The following RGS17 variants were observed in gnomAD, a reference collection of about 807,000 sequenced individuals.
RGS17 encodes regulator of G protein signaling 17.
Under a neutral mutation model 25.5 loss-of-function variants are expected in RGS17, and 12 were observed. That is an observed-to-expected ratio of 0.47 (90% CI 0.30 to 0.76). The LOEUF is 0.76. Ranked by LOEUF, RGS17 falls within the 30% of genes least tolerant of loss-of-function variation. RGS17 has a pLI of 0.07. For synonymous variants in RGS17, 71 were observed against 76.9 expected, an observed-to-expected ratio of 0.92 and a Z score of 0.40; for missense variants, 196 against 242.2, an observed-to-expected ratio of 0.81 and a Z score of 1.27.
intron 1 of RGS17, among the ~76,000 whole-genome samples, chr6:153,049,169 C>T (rs12211062): frequency 0.19 from 28,643 of 151,932 alleles, 3,037 homozygotes; most frequent in Non-Finnish European, 0.24. Flanking sequence ...CCAAGAGATT[C>T]GGCAGATAAG....
At chr6:153,073,263 C>G (rs181258171) in intron 1 of RGS17, among the ~76,000 whole-genome samples, 38 of 152,306 alleles carry the variant, frequency 2.5e-4, no homozygotes, top group Non-Finnish European at 4.3e-4. Flanking sequence ...TTGTCTCTTT[C>G]AATCCCTCCT....
chr6:153,067,123 T>C (rs1205119852), intron 1 of RGS17, among the ~76,000 whole-genome samples: 3 of 151,920 alleles, frequency 2.0e-5, no homozygotes, highest in East Asian at 1.9e-4. Flanking sequence ...TCCTTAATGA[T>C]TAAAAACCCT....
intron 2 of RGS17, among the ~76,000 whole-genome samples, chr6:153,035,312 A>G (rs1468386573): frequency 6.6e-6 from 1 of 152,216 alleles, no homozygotes; most frequent in Non-Finnish European, 1.5e-5. Flanking sequence ...TATACATGCT[A>G]TATTTTATAG....
At chr6:153,093,213 A>G (rs1777157314) in intron 1 of RGS17, among the ~76,000 whole-genome samples, 1 of 152,208 alleles carries the variant, frequency 6.6e-6, no homozygotes, top group Non-Finnish European at 1.5e-5. Context: ...AATGGCTATG[A>G]AAACAGTGGC....
intron 1 of RGS17, among the ~76,000 whole-genome samples, chr6:153,112,343 A>C (rs1458095704): frequency 6.6e-6 from 1 of 152,230 alleles, no homozygotes; most frequent in Non-Finnish European, 1.5e-5. Context: ...GATCAACTTA[A>C]TGAAATAAAA....
At chr6:153,030,666 T>C (rs572154443) in intron 2 of RGS17, among the ~76,000 whole-genome samples, 4 of 152,312 alleles carry the variant, frequency 2.6e-5, no homozygotes, top group African/African-American at 9.6e-5. Context: ...TGAAAATGAA[T>C]TGGTAGATTA....
At chr6:153,042,470 C>T (rs540558515) in intron 2 of RGS17, among the ~76,000 whole-genome samples, 24 of 152,208 alleles carry the variant, frequency 1.6e-4, no homozygotes, top group Non-Finnish European at 2.5e-4. Context: ...CTCTTGCCTG[C>T]CACAATGTAA....
rs1221589211 is a variant in RGS17 at position 153,024,482 on chromosome 6, G to A, written c.224C>T (p.Ala75Val). 1 of 1,613,992 alleles carries A rather than the reference G, an allele frequency of 6.2e-7. No individual in the cohort carries two copies. ...TTGAGACCAGGACAAGACTTCCTCTGCAGTGGGGTTTTGGCTGCAGAGACA... is the reference window on the plus strand; with the variant it reads ...TTGAGACCAGGACAAGACTTCCTCTACAGTGGGGTTTTGGCTGCAGAGACA... ...QVLEECQNPT[A>V]EEVLSWSQNF... The change falls in exon 4 of 5, where the codon GCA becomes GTA. Residue 75 changes from alanine (A) to valine (V), a missense_variant. Ala to Val is a moderately conservative substitution (Grantham distance 64). Transcript: ENST00000206262.
chr6:153,113,269 G>A (rs1482853163), intron 1 of RGS17, among the ~76,000 whole-genome samples: 2 of 151,968 alleles, frequency 1.3e-5, no homozygotes, highest in Non-Finnish European at 2.9e-5. Flanking sequence ...AAAAAAAGCA[G>A]GGTTGGCCAT....
At chr6:153,072,598 T>C (rs988078551) in intron 1 of RGS17, among the ~76,000 whole-genome samples, 1 of 152,208 alleles carries the variant, frequency 6.6e-6, no homozygotes, top group Non-Finnish European at 1.5e-5. Flanking sequence ...TCCTTCTTTC[T>C]CTGTCAAGAA....
intron 1 of RGS17, among the ~76,000 whole-genome samples, chr6:153,096,916 C>G (rs1777221711): frequency 6.6e-6 from 1 of 152,048 alleles, no homozygotes; most frequent in African/African-American, 2.4e-5. Flanking sequence ...TTCTTCATAC[C>G]AGGGCCTCTT....
chr6:153,078,279 T>A (rs948232803), intron 1 of RGS17, among the ~76,000 whole-genome samples: 2 of 152,206 alleles, frequency 1.3e-5, no homozygotes, highest in African/African-American at 4.8e-5. Flanking sequence ...CATTTCTGTA[T>A]ACATTTATAG....
intron 1 of RGS17, among the ~76,000 whole-genome samples, chr6:153,070,983 ATG>A (rs1251168759): frequency 4.6e-5 from 6 of 129,776 alleles, no homozygotes; most frequent in South Asian, 4.7e-4. Context: ...ATGTACACAC[ATG>A]TGTGTATATA....
chr6:153,032,041 A>G (rs1460893775), intron 2 of RGS17, among the ~76,000 whole-genome samples: 1 of 152,202 alleles, frequency 6.6e-6, no homozygotes, highest in African/African-American at 2.4e-5. Flanking sequence ...TAACTTCAGG[A>G]CAGGGCAACA....
chr6:153,103,722 C>A (rs1183929869), intron 1 of RGS17, among the ~76,000 whole-genome samples: 1 of 152,136 alleles, frequency 6.6e-6, no homozygotes, highest in Non-Finnish European at 1.5e-5. Context: ...CTTTTCTTTT[C>A]TTTTGGGTAA....
intron 1 of RGS17, among the ~76,000 whole-genome samples, chr6:153,106,157 C>A (rs906736220): frequency 1.3e-5 from 2 of 151,824 alleles, no homozygotes; most frequent in Admixed American, 1.3e-4. Context: ...TAGAAGCCAC[C>A]CTTTGGTAAG....
chr6:153,013,377 T>C (rs1243154166), intron 4 of RGS17, among the ~76,000 whole-genome samples: 2 of 152,232 alleles, frequency 1.3e-5, no homozygotes, highest in African/African-American at 2.4e-5. Context: ...ACTGACCTGC[T>C]ATTCCCATAT....
chr6:153,099,150 CTAAA>C (rs1420921238), intron 1 of RGS17, among the ~76,000 whole-genome samples: 1 of 152,150 alleles, frequency 6.6e-6, no homozygotes, highest in Non-Finnish European at 1.5e-5. Flanking sequence ...TACACAGACA[CTAAA>C]TACACATGAT....
intron 1 of RGS17, among the ~76,000 whole-genome samples, chr6:153,051,921 A>G (rs902448110): frequency 6.6e-6 from 1 of 152,216 alleles, no homozygotes; most frequent in South Asian, 2.1e-4. Context: ...TTTGAACTGA[A>G]TGGGAAGGAA....
Sources: allele counts gnomAD v4.1 joint callset (sites outside exome capture counted in the v4.1 genomes callset), GRCh38; gene constraint gnomAD v4.1.1; transcripts MANE v1.5; gene names NCBI Gene and HGNC (gene_info 2026-07-23, HGNC 2026-07-21).